The following ERCC6L2 variants were observed in gnomAD, a reference collection of about 807,000 sequenced individuals.
The protein encoded by ERCC6L2 is ERCC excision repair 6 like 2.
Under a neutral mutation model 132.0 loss-of-function variants are expected in ERCC6L2, and 77 were observed. The ratio of observed to expected loss-of-function variants is 0.58; its 90% confidence interval spans 0.49 to 0.71. ERCC6L2 has a LOEUF of 0.71. ERCC6L2 is among the 30% of genes least tolerant of loss of function. The pLI, the probability that ERCC6L2 is intolerant of heterozygous loss-of-function variation, is 0.00. For synonymous variants in ERCC6L2, 583 were observed against 632.4 expected, an observed-to-expected ratio of 0.92 and a Z score of 1.17; for missense variants, 1,542 against 1,837.6, an observed-to-expected ratio of 0.84 and a Z score of 2.94.
At chr9:95,922,771 T>A (rs1461643491) in intron 8 of ERCC6L2, among the ~76,000 whole-genome samples, 3 of 152,200 alleles carry the variant, frequency 2.0e-5, no homozygotes, top group Non-Finnish European at 2.9e-5. Flanking sequence ...TGAGGATTTA[T>A]AATAATTTGT....
intron 18 of ERCC6L2, among the ~76,000 whole-genome samples, chr9:96,006,355 G>A (rs1419000576): frequency 6.6e-6 from 1 of 152,240 alleles, no homozygotes; most frequent in African/African-American, 2.4e-5. Flanking sequence ...CTGAGAACCA[G>A]AAGCAGATGA....
At chr9:95,878,089 A>G (rs1827385930) in intron 1 of ERCC6L2, among the ~76,000 whole-genome samples, 2 of 152,268 alleles carry the variant, frequency 1.3e-5, no homozygotes, top group Non-Finnish European at 1.5e-5. Flanking sequence ...GGCATAATTT[A>G]GGGAAAGTTG....
chr9:95,981,763 T>C (rs945751808), intron 17 of ERCC6L2, among the ~76,000 whole-genome samples: 1 of 152,198 alleles, frequency 6.6e-6, no homozygotes, highest in African/African-American at 2.4e-5. Context: ...GTTTGTGATG[T>C]GATACCTCCT....
chr9:96,036,252 T>G (rs1026066303), intron 19 of ERCC6L2, among the ~76,000 whole-genome samples: 1 of 152,114 alleles, frequency 6.6e-6, no homozygotes, highest in Non-Finnish European at 1.5e-5. Context: ...TCCCTATGAA[T>G]CTGACAACTC....
chr9:96,039,750 C>A (rs1033930867), intron 20 of ERCC6L2, among the ~76,000 whole-genome samples: 1 of 152,144 alleles, frequency 6.6e-6, no homozygotes, highest in Non-Finnish European at 1.5e-5. Context: ...CAGCTCCACT[C>A]CTTCTGGCTG....
At chr9:95,954,736 C>T in intron 12 of ERCC6L2, 2 of 469,838 alleles carry the variant, frequency 4.3e-6, no homozygotes, top group South Asian at 3.1e-5. Context: ...AGAACCCAAA[C>T]ACATTGTAGG....
At chr9:96,039,723 G>A (rs1834556854) in intron 20 of ERCC6L2, among the ~76,000 whole-genome samples, 1 of 152,166 alleles carries the variant, frequency 6.6e-6, no homozygotes, top group Admixed American at 6.5e-5. Flanking sequence ...AAACACCCAA[G>A]AGAAGACTCT....
In ERCC6L2 at chr9:95,950,117, G is replaced by A. The variant is rs114040015; in HGVS notation, c.1848-5797G>A. Among the ~76,000 whole-genome samples the A allele has an allele frequency of 8.8e-3, 1,338 of 152,102 alleles. 12 individuals are homozygous for A. Among genetic ancestry groups the A allele is most frequent in the Middle Eastern group, 0.041 (12 of 294 alleles). On this transcript the variant is annotated intron_variant, in intron 12 of 18. Transcript: ENST00000653738. Reference sequence around the variant, plus strand: ...CAAAAAGATAAAGATCTCCAGTTAAGGTAAGTATCATGGACAAATATAAAT... The same window carrying A: ...CAAAAAGATAAAGATCTCCAGTTAAAGTAAGTATCATGGACAAATATAAAT...
chr9:96,034,741 C>T (rs1284253386), intron 19 of ERCC6L2, among the ~76,000 whole-genome samples: 3 of 151,838 alleles, frequency 2.0e-5, no homozygotes, highest in Non-Finnish European at 2.9e-5. Context: ...GCCCAAGCTG[C>T]AGCTGGGGAC....
At chr9:95,979,352 C>T (rs1832800271) in intron 17 of ERCC6L2, among the ~76,000 whole-genome samples, 1 of 152,048 alleles carries the variant, frequency 6.6e-6, no homozygotes, top group Non-Finnish European at 1.5e-5. Context: ...GAGGCACTCC[C>T]ATATGCAAAG....
At chr9:96,023,024 TG>T (rs568775592), downstream of ERCC6L2, among the ~76,000 whole-genome samples, 353 of 152,336 alleles carry the variant, frequency 2.3e-3, no homozygotes, top group African/African-American at 8.2e-3. Flanking sequence ...GGGCTGCCTT[TG>T]TCCGGGGAGG....
chr9:95,956,100 T>C, intron 13 of ERCC6L2, 87 bp downstream of exon 13: 1 of 686,920 alleles, frequency 1.5e-6, no homozygotes. Context: ...AATGTAAGTT[T>C]TAAATCTTAC....
At chr9:95,991,226 T>TG (rs996470337) in intron 17 of ERCC6L2, among the ~76,000 whole-genome samples, 1 of 151,930 alleles carries the variant, frequency 6.6e-6, no homozygotes, top group Non-Finnish European at 1.5e-5. Context: ...AGCTTAAGGG[T>TG]GGGGTTTAGA....
chr9:96,008,076 C>A (rs754967633), intron 18 of ERCC6L2, among the ~76,000 whole-genome samples: 1 of 152,118 alleles, frequency 6.6e-6, no homozygotes, highest in African/African-American at 2.4e-5. Context: ...CAGAACAGAT[C>A]GGCAACAAGG....
At chr9:95,941,162 G>A (rs1830780129) in intron 11 of ERCC6L2, among the ~76,000 whole-genome samples, 1 of 151,888 alleles carries the variant, frequency 6.6e-6, no homozygotes, top group South Asian at 2.1e-4. Context: ...ATTATATTAG[G>A]AAAATCTTGC....
chr9:95,951,096 AT>A (rs1831310001), intron 12 of ERCC6L2, among the ~76,000 whole-genome samples: 1 of 152,226 alleles, frequency 6.6e-6, no homozygotes, highest in Admixed American at 6.5e-5. Flanking sequence ...TTTTTAATAC[AT>A]TTTAAAAGAT....
chr9:95,903,145 G>A (rs1463957842), intron 3 of ERCC6L2, among the ~76,000 whole-genome samples: 1 of 151,916 alleles, frequency 6.6e-6, no homozygotes, highest in East Asian at 1.9e-4. Flanking sequence ...TTATTTTGCT[G>A]TAGGTGTCTA....
At chr9:95,898,377 T>C (rs1202085855) in intron 3 of ERCC6L2, among the ~76,000 whole-genome samples, 3 of 152,158 alleles carry the variant, frequency 2.0e-5, no homozygotes, top group African/African-American at 7.2e-5. Flanking sequence ...AAGTGCGTCA[T>C]TGACTTATTT....
intron 13 of ERCC6L2, among the ~76,000 whole-genome samples, chr9:95,963,922 C>G (rs958008248): frequency 6.6e-6 from 1 of 152,140 alleles, no homozygotes; most frequent in Admixed American, 6.6e-5. Context: ...TACTACTGCT[C>G]ACGTTAACCT....
Sources: gnomAD v4.1 joint callset for allele counts (sites outside exome capture counted in the v4.1 genomes callset) on GRCh38, gnomAD v4.1.1 for gene constraint, MANE v1.5 for transcripts, NCBI Gene and HGNC (gene_info 2026-07-23, HGNC 2026-07-21) for gene names.